Variants in GKAP1 observed in about 807,000 individuals in gnomAD.
GKAP1 encodes G kinase-anchoring protein 1.
Under a neutral mutation model 56.7 loss-of-function variants are expected in GKAP1, and 31 were observed. The ratio of observed to expected loss-of-function variants is 0.55; its 90% CI spans 0.41 to 0.74. The LOEUF (loss-of-function observed/expected upper bound fraction) is 0.74, where lower values mean the gene tolerates loss of function less well. Ranked by LOEUF, GKAP1 falls within the 30% of genes least tolerant of loss-of-function variation. GKAP1 has a pLI of 0.00. For missense variants in GKAP1, 364 were observed against 402.3 expected (o/e 0.90, Z 0.82); for synonymous variants, 151 against 138.6 (o/e 1.09, Z -0.63).
At chr9:83,788,849 A>G in intron 4 of GKAP1, 171 bp from the exon 5 acceptor site, 1 of 404,116 alleles carries the variant, frequency 2.5e-6, no homozygotes, top group East Asian at 3.6e-5. Context: ...ATTCTATAGA[A>G]GACATCAAAA....
intron 6 of GKAP1, among the ~76,000 whole-genome samples, chr9:83,783,086 T>C (rs556387926): frequency 1.1e-4 from 17 of 152,338 alleles, no homozygotes; most frequent in Non-Finnish European, 2.2e-4. Flanking sequence ...AATATAATCT[T>C]CTAAATATAT....
chr9:83,742,002 G>T lies in GKAP1; in HGVS notation c.1003C>A (p.Gln335Lys), dbSNP rs775796242. The T allele has an allele frequency of 6.3e-7, 1 of 1,591,194 alleles. No homozygotes were observed. The highest frequency in any genetic ancestry group is 8.5e-7 in the Non-Finnish European group (1 of 1,172,836). The stretch of plus-strand genomic sequence containing the variant: ...AATACTTTCACTTTAGATCTTTCTT[G>T]TTCTAATGCAGCATGAAGTGAAGTC... ...QVTSLHAALEQERSKVKVLQA... is the reference protein window; with the variant it reads ...QVTSLHAALEKERSKVKVLQA... The change falls in exon 12 of 13, where the codon CAA becomes AAA. Residue 335 changes from glutamine (Q) to lysine (K), a missense_variant. Coordinates refer to ENST00000376371, the MANE Select transcript of GKAP1 (RefSeq NM_025211.4).
At chr9:83,751,317 T>C (rs1049883225) in intron 9 of GKAP1, among the ~76,000 whole-genome samples, 12 of 152,216 alleles carry the variant, frequency 7.9e-5, no homozygotes, top group African/African-American at 2.7e-4. Flanking sequence ...CTATGAGATC[T>C]TTACCAATTT....
intron 8 of GKAP1, among the ~76,000 whole-genome samples, chr9:83,753,882 C>T (rs958969446): frequency 6.6e-6 from 1 of 152,054 alleles, no homozygotes; most frequent in Non-Finnish European, 1.5e-5. Context: ...GAAAATGACA[C>T]AGAACAAAGT....
chr9:83,744,327 A>AT (rs1231701031), intron 10 of GKAP1, among the ~76,000 whole-genome samples: 1 of 152,210 alleles, frequency 6.6e-6, no homozygotes, highest in Admixed American at 6.5e-5. Context: ...CTTATGTACA[A>AT]TTTTATGAAC....
intron 8 of GKAP1, among the ~76,000 whole-genome samples, chr9:83,763,087 C>T (rs564380579): frequency 1.1e-4 from 17 of 152,218 alleles, no homozygotes; most frequent in South Asian, 6.2e-4. Flanking sequence ...TATTTATACA[C>T]GATGGAGTAC....
At chr9:83,813,033 CT>C (rs1944534101) in intron 2 of GKAP1, among the ~76,000 whole-genome samples, 1 of 152,084 alleles carries the variant, frequency 6.6e-6, no homozygotes. Context: ...AAACATTAGG[CT>C]TTTAAAAGAT....
Position 83,748,385 on chromosome 9 carries a change from G to A in GKAP1, c.841-13C>T. On this transcript the variant is annotated splice_polypyrimidine_tract_variant and intron_variant, in intron 9 of 12. Coordinates refer to ENST00000376371, the MANE Select transcript of GKAP1 (RefSeq NM_025211.4). ...CCTTATACTTTGCCTAATAGTCAAA[G>A]AAAAAAGATTTAGTTTTTTTAAAAG... 1 of 1,457,638 alleles carries A rather than the reference G, an allele frequency of 6.9e-7. No individual in the cohort carries two copies. The highest frequency in any genetic ancestry group is 2.1e-5 in the Admixed American group (1 of 48,710). 90.3% of individuals were successfully genotyped at this position (1,457,638 alleles called of 1,614,324 possible). A position where few individuals can be genotyped will look rare whatever the true frequency, so the allele number is the denominator to read the frequency against.
At chr9:83,768,720 A>G in intron 8 of GKAP1, 98 bp downstream of exon 8, 3 of 1,004,622 alleles carry the variant, frequency 3.0e-6, no homozygotes. Flanking sequence ...CTACTACTTT[A>G]TACAATCATA....
chr9:83,792,958 C>T (rs1239151093), intron 4 of GKAP1: 3 of 1,245,480 alleles, frequency 2.4e-6, no homozygotes, highest in African/African-American at 3.1e-5. Context: ...TACATGTGTC[C>T]AAGATGGAGT....
intron 10 of GKAP1, among the ~76,000 whole-genome samples, chr9:83,747,545 AAG>A (rs1326551013): frequency 6.6e-6 from 1 of 152,206 alleles, no homozygotes; most frequent in Admixed American, 6.5e-5. Flanking sequence ...TTGAAATTTT[AAG>A]AGTTTCTTTT....
At chr9:83,802,483 G>GA (rs201998640) in intron 3 of GKAP1, among the ~76,000 whole-genome samples, 894 of 57,076 alleles carry the variant, frequency 0.016, 9 homozygotes, top group African/African-American at 0.042. Flanking sequence ...CTCCATCTCA[G>GA]AAAAAAAAAA....
At chr9:83,749,824 G>C (rs1206592766) in intron 9 of GKAP1, among the ~76,000 whole-genome samples, 6 of 152,132 alleles carry the variant, frequency 3.9e-5, no homozygotes, top group Non-Finnish European at 8.8e-5. Flanking sequence ...ACAATAAACT[G>C]AAGTAAAGCA....
intron 7 of GKAP1, among the ~76,000 whole-genome samples, chr9:83,770,269 A>C (rs929444682): frequency 6.6e-6 from 1 of 152,196 alleles, no homozygotes; most frequent in Non-Finnish European, 1.5e-5. Flanking sequence ...TTTTCTTCTA[A>C]AAGTTTTACA....
At chr9:83,803,267 T>A (rs1192880215) in intron 3 of GKAP1, among the ~76,000 whole-genome samples, 2 of 144,922 alleles carry the variant, frequency 1.4e-5, no homozygotes, top group African/African-American at 2.5e-5. Flanking sequence ...TCGGTCTCCC[T>A]CTCCCTCTCT....
chr9:83,788,747 A>C (rs1037510085), intron 4 of GKAP1, 69 bp from the exon 5 acceptor site: 2 of 904,954 alleles, frequency 2.2e-6, no homozygotes, highest in African/African-American at 3.3e-5. Context: ...AACCATACAT[A>C]TTACTATATA....
At chr9:83,748,189 T>C (rs943497024) in intron 10 of GKAP1, 120 bp downstream of exon 10, 25 of 594,236 alleles carry the variant, frequency 4.2e-5, no homozygotes, top group African/African-American at 4.2e-4. Context: ...TTGTTAACTA[T>C]AGTCACCCTA....
intron 8 of GKAP1, among the ~76,000 whole-genome samples, chr9:83,761,561 T>A (rs1465948722): frequency 1.3e-5 from 2 of 152,172 alleles, no homozygotes; most frequent in African/African-American, 4.8e-5. Flanking sequence ...AAACTCCTTC[T>A]ATGAGGCCAG....
intron 3 of GKAP1, among the ~76,000 whole-genome samples, chr9:83,804,665 G>A (rs1383845631): frequency 1.2e-4 from 18 of 147,250 alleles, no homozygotes; most frequent in Non-Finnish European, 2.1e-4. Context: ...CCGTCCGGGA[G>A]GGAGGTGGGG....
Sources: gnomAD v4.1 joint callset for allele counts (sites outside exome capture counted in the v4.1 genomes callset) on GRCh38, gnomAD v4.1.1 for gene constraint, MANE v1.5 for transcripts, NCBI Gene and HGNC (gene_info 2026-07-23, HGNC 2026-07-21) for gene names.